Variants in ADAMTSL3 observed in about 807,000 individuals in gnomAD.
The protein encoded by ADAMTSL3 is ADAMTS-like protein 3.
In ADAMTSL3, 128 loss-of-function variants were observed where a neutral mutation model predicts 201.7. The observed-to-expected ratio is 0.63, with a 90% CI of 0.55 to 0.73. The LOEUF is 0.73. Among genes scored for constraint, ADAMTSL3 ranks in the 30% least tolerant of loss-of-function variants. The pLI is 0.00. For missense variants in ADAMTSL3, 1,990 were observed against 2,119.6 expected (o/e 0.94, Z 1.20); for synonymous variants, 738 against 748.4 (o/e 0.99, Z 0.23).
chr15:83,839,550 T>C (rs1315019832), intron 7 of ADAMTSL3, among the ~76,000 whole-genome samples: 4 of 152,166 alleles, frequency 2.6e-5, no homozygotes, highest in Admixed American at 2.6e-4. Flanking sequence ...ATATGGAGGC[T>C]GGATTACCTG....
At chr15:83,897,521 G>A (rs962917192) in intron 13 of ADAMTSL3, among the ~76,000 whole-genome samples, 1 of 152,134 alleles carries the variant, frequency 6.6e-6, no homozygotes, top group Non-Finnish European at 1.5e-5. Context: ...TTTGGGTAGG[G>A]TCATGTAAAC....
intron 10 of ADAMTSL3, 27 bp from the exon 11 acceptor site, chr15:83,890,082 T>G: frequency 6.3e-7 from 1 of 1,595,024 alleles, no homozygotes; most frequent in South Asian, 1.1e-5. Context: ...GATGCAATAT[T>G]CAGACTTGCC....
rs186526276 is a variant in ADAMTSL3 at position 83,878,430 on chromosome 15, A to G, written c.961-6671A>G. Among the ~76,000 whole-genome samples the G allele has an allele frequency of 6.1e-3, 934 of 152,264 alleles. 5 individuals carry two copies. The highest frequency in any genetic ancestry group is 0.017 in the Middle Eastern group (5 of 294). On this transcript the variant is annotated intron_variant, in intron 9 of 29. Transcript: ENST00000286744. Reference sequence around the variant, plus strand: ...GGAGATTGAGACCAGCCTGGCTAACACGGTGAAACTCTGTCTCTACTAAAA... The same window carrying G: ...GGAGATTGAGACCAGCCTGGCTAACGCGGTGAAACTCTGTCTCTACTAAAA...
chr15:83,942,459 G>T lies in ADAMTSL3; in HGVS notation c.2118-137G>T, dbSNP rs775402508. ...TGTTTTAATTGCGTATATTGATGGA[G>T]ATGCTGTGACTGTAGAATCTGTATA... On this transcript the variant is annotated intron_variant, in intron 17 of 29. Coordinates refer to ENST00000286744, the MANE Select transcript of ADAMTSL3 (RefSeq NM_207517.3). The T allele has an allele frequency of 1.4e-5, 10 of 692,508 alleles. No individual in the cohort carries two copies. In the Admixed American group the frequency reaches 2.3e-4, roughly 16 times the overall value. 42.9% of individuals were successfully genotyped at this position (692,508 alleles called of 1,614,324 possible). A position where few individuals can be genotyped will look rare whatever the true frequency, so the allele number is the denominator to read the frequency against.
rs772099841 is a variant in ADAMTSL3, at chr15:84,036,826, C to T, written c.4808C>T (p.Thr1603Ile). ...TSGACDVCWH[T>I]GPWKPCTAAC... ...GGGGCCTGTGATGTGTGTTGGCACA[C>T]AGGCCCTTGGAAGCCCTGTACAGCA... Residue 1603 changes from threonine to isoleucine, a missense_variant, in exon 29 of 30, where the codon ACA becomes ATA. By Grantham distance (89) the Thr-to-Ile change is moderately conservative (BLOSUM62 -1). Transcript: ENST00000286744. 5.0e-6 allele frequency: 8 copies of T among 1,614,122 alleles called. No homozygotes were observed. In the South Asian group the frequency reaches 8.8e-5, roughly 18 times the overall value.
At chr15:83,775,267 A>G (rs2063052863) in intron 4 of ADAMTSL3, among the ~76,000 whole-genome samples, 1 of 151,836 alleles carries the variant, frequency 6.6e-6, no homozygotes, top group Non-Finnish European at 1.5e-5. Flanking sequence ...CTAAACCTCA[A>G]GTCTCAGAAG....
At chr15:83,901,250 A>C (rs1019047553) in intron 15 of ADAMTSL3, among the ~76,000 whole-genome samples, 5 of 152,122 alleles carry the variant, frequency 3.3e-5, no homozygotes, top group African/African-American at 1.2e-4. Flanking sequence ...TTGGAGATTT[A>C]GAGGAAGAGG....
At chr15:83,832,236 A>ACATTTAC (rs2064171181) in intron 6 of ADAMTSL3, among the ~76,000 whole-genome samples, 2 of 152,140 alleles carry the variant, frequency 1.3e-5, no homozygotes, top group South Asian at 4.2e-4. Flanking sequence ...TCCCCTTCCC[A>ACATTTAC]CATTTACCCT....
At chr15:83,696,411 A>G (rs1380288202) in intron 2 of ADAMTSL3, among the ~76,000 whole-genome samples, 1 of 152,184 alleles carries the variant, frequency 6.6e-6, no homozygotes, top group Non-Finnish European at 1.5e-5. Context: ...AGGCCTACCT[A>G]TGCATTAATA....
At chr15:83,695,916 G>A (rs937230115) in intron 2 of ADAMTSL3, among the ~76,000 whole-genome samples, 1 of 151,328 alleles carries the variant, frequency 6.6e-6, no homozygotes, top group Non-Finnish European at 1.5e-5. Flanking sequence ...GTACATCATG[G>A]TTTTTTTTTG....
intron 13 of ADAMTSL3, among the ~76,000 whole-genome samples, chr15:83,896,724 A>G (rs979200976): frequency 1.3e-5 from 2 of 152,130 alleles, no homozygotes; most frequent in Admixed American, 6.5e-5. Context: ...GCGTACATAT[A>G]TACACTCCCC....
intron 20 of ADAMTSL3, among the ~76,000 whole-genome samples, chr15:83,971,037 T>C (rs1011208248): frequency 1.3e-5 from 2 of 152,206 alleles, no homozygotes; most frequent in Non-Finnish European, 2.9e-5. Flanking sequence ...CATTCAAGTA[T>C]TTTTTCTTGT....
intron 15 of ADAMTSL3, among the ~76,000 whole-genome samples, chr15:83,908,760 A>G (rs2065883660): frequency 6.6e-6 from 1 of 152,198 alleles, no homozygotes; most frequent in African/African-American, 2.4e-5. Flanking sequence ...TAATACCACA[A>G]ACTTAGCGGT....
intron 3 of ADAMTSL3, chr15:83,740,060 T>C (rs972492715): frequency 4.6e-5 from 15 of 329,328 alleles, no homozygotes; most frequent in Admixed American, 4.2e-4. Context: ...GAGCATTGCA[T>C]CACAGGTAAG....
chr15:83,766,396 A>T (rs2062892039), intron 3 of ADAMTSL3, among the ~76,000 whole-genome samples: 1 of 152,228 alleles, frequency 6.6e-6, no homozygotes, highest in Non-Finnish European at 1.5e-5. Context: ...ATCAGTCAGA[A>T]ATGCGAATTC....
At chr15:83,992,343 C>T (rs762022845) in intron 23 of ADAMTSL3, among the ~76,000 whole-genome samples, 3 of 152,156 alleles carry the variant, frequency 2.0e-5, no homozygotes, top group African/African-American at 4.8e-5. Flanking sequence ...GTTTTTCACC[C>T]CTTGGAAATC....
At chr15:83,971,558 C>CAAAA (rs68134290) in intron 20 of ADAMTSL3, among the ~76,000 whole-genome samples, 15 of 63,784 alleles carry the variant, frequency 2.4e-4, no homozygotes, top group African/African-American at 6.6e-4. Context: ...GACTCTGTCT[C>CAAAA]AAAAAAAAAA....
chr15:83,976,487 C>G (rs1311196450), intron 20 of ADAMTSL3, among the ~76,000 whole-genome samples: 1 of 151,966 alleles, frequency 6.6e-6, no homozygotes, highest in African/African-American at 2.4e-5. Flanking sequence ...ATTATTATTA[C>G]ATTGTAATGT....
chr15:83,753,667 T>C (rs1468304631), intron 3 of ADAMTSL3, among the ~76,000 whole-genome samples: 1 of 152,184 alleles, frequency 6.6e-6, no homozygotes, highest in Non-Finnish European at 1.5e-5. Context: ...TGTGCTTTTT[T>C]TTTTTCTTGG....
Sources: allele counts gnomAD v4.1 joint callset (sites outside exome capture counted in the v4.1 genomes callset), GRCh38; gene constraint gnomAD v4.1.1; transcripts MANE v1.5; gene names NCBI Gene and HGNC (gene_info 2026-07-23, HGNC 2026-07-21).